The following DAB1 variants were observed in gnomAD, a reference collection of about 807,000 sequenced individuals.
DAB1 encodes the protein DAB adaptor protein 1.
A neutral mutation model predicts 64.6 loss-of-function variants in DAB1; 15 were observed. That is an observed-to-expected ratio of 0.23 (90% CI 0.16 to 0.36). The LOEUF (loss-of-function observed/expected upper bound fraction) is 0.36, where lower values mean the gene tolerates loss of function less well. Ranked by LOEUF, DAB1 falls within the 10% of genes least tolerant of loss-of-function variation. The probability of loss-of-function intolerance (pLI) is 1.00; values close to 1 mark genes in which losing one functional copy is unlikely to be tolerated. For synonymous variants in DAB1, 235 were observed against 251.9 expected (o/e 0.93, Z 0.64); for missense variants, 596 against 706.7 (o/e 0.84, Z 1.78).
At position 57,459,375 on chromosome 1, in the gene DAB1, C is replaced by T. The variant is rs570850619; in HGVS notation, n.626-168209G>A. ...GGGGTATTAGATGTTTGCAGTTTGT[C>T]ATGGTGACAAATGCCACACCTTTGC... is the stretch of plus-strand genomic sequence containing the variant. On this transcript the variant is annotated intron_variant and non_coding_transcript_variant, in intron 7 of 20. Coordinates refer to the DAB1 transcript ENST00000485760. 6.6e-4 allele frequency among the ~76,000 whole-genome samples: 101 copies of T among 152,212 alleles called. 1 individual carries two copies. The Middle Eastern group carries it at 0.017, about 26-fold the overall frequency.
At chr1:57,599,946 G>T (rs1450340466) in intron 7 of DAB1, among the ~76,000 whole-genome samples, 1 of 152,130 alleles carries the variant, frequency 6.6e-6, no homozygotes, top group African/African-American at 2.4e-5. Context: ...GCTTTGCCAG[G>T]AGTGTTTGCT....
Position 56,996,838 on chromosome 1 carries a change from AATGGCATT to A in DAB1, c.*1298_*1305del, listed in dbSNP as rs1404293242. 1 of 152,176 alleles carries A rather than the reference AATGGCATT, an allele frequency of 6.6e-6. No individual in the cohort carries two copies. The highest frequency in any genetic ancestry group is 1.5e-5 in the Non-Finnish European group (1 of 68,032). 9.4% of individuals were successfully genotyped at this position (152,176 alleles called of 1,614,324 possible). On this transcript the variant is annotated 3_prime_UTR_variant, in exon 15 of 15. Transcript: ENST00000371236. ...CAATCTGCTACCTTCTCTACAGTGT[AATGGCATT>A]ATTAAAAATCATTTTCATTAACATT...
At chr1:58,407,617 A>T (rs1283179171) in intron 3 of DAB1, among the ~76,000 whole-genome samples, 1 of 152,124 alleles carries the variant, frequency 6.6e-6, no homozygotes, top group Non-Finnish European at 1.5e-5. Context: ...ACAAAGAATT[A>T]TCCAGCCCCA....
chr1:58,363,858 G>T (rs563339977), intron 3 of DAB1, among the ~76,000 whole-genome samples: 1 of 152,242 alleles, frequency 6.6e-6, no homozygotes, highest in African/African-American at 2.4e-5. Flanking sequence ...GCCTCAGGGG[G>T]AGCCCTTATC....
chr1:58,084,819 A>G (rs1371633133), intron 5 of DAB1, among the ~76,000 whole-genome samples: 1 of 150,648 alleles, frequency 6.6e-6, no homozygotes, highest in East Asian at 1.9e-4. Flanking sequence ...ATGTGTATAT[A>G]TATATGTGCA....
intron 7 of DAB1, among the ~76,000 whole-genome samples, chr1:57,619,438 T>TTGCCCA (rs1645829544): frequency 6.6e-6 from 1 of 152,192 alleles, no homozygotes; most frequent in Non-Finnish European, 1.5e-5. Context: ...TCTTGCTCTA[T>TTGCCCA]TGCCCATGCT....
In DAB1 at chr1:57,057,835, C is replaced by G. The variant is rs377158991; in HGVS notation, c.723+5049G>C. On this transcript the variant is annotated intron_variant, in intron 9 of 14. Transcript: ENST00000371236. Reference sequence around the variant, plus strand: ...GTATTAGCCAGGATGGTCTCGATCTCCTGACCTCCTGATCCGCCCGCCTTG... The same window carrying G: ...GTATTAGCCAGGATGGTCTCGATCTGCTGACCTCCTGATCCGCCCGCCTTG... Among the ~76,000 whole-genome samples, 10 of 152,094 alleles carry G rather than the reference C, an allele frequency of 6.6e-5. No individual in the cohort carries two copies. In the South Asian group the frequency reaches 8.3e-4, roughly 13 times the overall value.
chr1:57,237,305 C>A (rs917885914), intron 2 of DAB1, among the ~76,000 whole-genome samples: 1 of 152,212 alleles, frequency 6.6e-6, no homozygotes, highest in African/African-American at 2.4e-5. Flanking sequence ...CATGGGGAGA[C>A]AATTCATCTT....
chr1:58,226,855 G>A (rs665075), intron 4 of DAB1, among the ~76,000 whole-genome samples: 143,055 of 152,284 alleles, frequency 0.94, 67,397 homozygotes, highest in Non-Finnish European at 0.98. Flanking sequence ...GAACTTAACA[G>A]TGTCATCCTT....
At chr1:58,199,605 T>C (rs940470303) in intron 4 of DAB1, among the ~76,000 whole-genome samples, 1 of 152,194 alleles carries the variant, frequency 6.6e-6, no homozygotes, top group African/African-American at 2.4e-5. Context: ...ATATTTACTA[T>C]AATGCTACTA....
intron 4 of DAB1, among the ~76,000 whole-genome samples, chr1:58,284,047 G>C (rs664999): frequency 0.92 from 140,237 of 152,186 alleles, 64,620 homozygotes; most frequent in South Asian, 0.95. Context: ...CATAGAATCA[G>C]GGAGAATCTG....
intron 5 of DAB1, among the ~76,000 whole-genome samples, chr1:58,005,044 T>C (rs1040137834): frequency 2.0e-5 from 3 of 151,010 alleles, no homozygotes; most frequent in African/African-American, 4.9e-5. Flanking sequence ...TCTTAAAAAA[T>C]GAAACTAGAG....
intron 3 of DAB1, among the ~76,000 whole-genome samples, chr1:58,429,239 ATTGT>A (rs924480302): frequency 3.9e-5 from 6 of 152,304 alleles, no homozygotes; most frequent in Non-Finnish European, 7.4e-5. Context: ...TCTAAAAAAA[ATTGT>A]TTGTAATTTT....
chr1:58,079,515 CTTTTTTTTT>C lies in DAB1; in HGVS notation n.387+70987_387+70995del, dbSNP rs66960756. ...ATTGTTAAATGAATGAGCATACCAT[CTTTTTTTTT>C]TTTTTTTTTTTTTTTTGAGATGGAG... is the stretch of plus-strand genomic sequence containing the variant. On this transcript the variant is annotated intron_variant and non_coding_transcript_variant, in intron 5 of 20. Coordinates refer to the DAB1 transcript ENST00000485760. Among the ~76,000 whole-genome samples, 13 of 67,812 alleles carry C rather than the reference CTTTTTTTTT, an allele frequency of 1.9e-4. No homozygotes were observed. In the Admixed American group the frequency reaches 2.5e-3, roughly 13 times the overall value. The allele number at this position is 67,812 out of a possible 152,430, so 44.5% of individuals were successfully genotyped here. A position where few individuals can be genotyped will look rare whatever the true frequency, so the allele number is the denominator to read the frequency against.
chr1:57,195,575 T>A (rs1664558941), intron 2 of DAB1, among the ~76,000 whole-genome samples: 1 of 152,270 alleles, frequency 6.6e-6, no homozygotes, highest in Admixed American at 6.5e-5. Context: ...AGCTGAGGGC[T>A]GAACCCAGTT....
At chr1:57,498,629 A>C (rs1644256030) in intron 7 of DAB1, among the ~76,000 whole-genome samples, 1 of 152,222 alleles carries the variant, frequency 6.6e-6, no homozygotes, top group South Asian at 2.1e-4. Context: ...AAGTGGTTCA[A>C]GTGGAATGAT....
At chr1:57,918,570 A>G (rs1287675803) in intron 5 of DAB1, among the ~76,000 whole-genome samples, 3 of 152,190 alleles carry the variant, frequency 2.0e-5, no homozygotes. Context: ...CACACCTGTA[A>G]TCCCAGCACT....
At chr1:57,741,141 A>C (rs1035181206) in intron 6 of DAB1, among the ~76,000 whole-genome samples, 6 of 152,214 alleles carry the variant, frequency 3.9e-5, no homozygotes, top group Admixed American at 3.9e-4. Flanking sequence ...GGACTAGGTC[A>C]TGCTGAGTGC....
chr1:57,534,836 A>C (rs1644706992), intron 7 of DAB1, among the ~76,000 whole-genome samples: 1 of 152,162 alleles, frequency 6.6e-6, no homozygotes, highest in South Asian at 2.1e-4. Context: ...TTGTATTTAG[A>C]GGATACCTTG....
Sources: allele counts gnomAD v4.1 joint callset (sites outside exome capture counted in the v4.1 genomes callset), GRCh38; gene constraint gnomAD v4.1.1; transcripts MANE v1.5; gene names NCBI Gene and HGNC (gene_info 2026-07-23, HGNC 2026-07-21).